WDR75: variants seen among roughly 807,000 people sequenced by gnomAD.
WDR75 encodes WD repeat-containing protein 75.
In WDR75, 52 loss-of-function variants were observed where a neutral mutation model predicts 106.1. That is an observed-to-expected ratio of 0.49 (90% CI 0.39 to 0.62). The LOEUF (loss-of-function observed/expected upper bound fraction) is 0.62, where lower values mean the gene tolerates loss of function less well. Among genes scored for constraint, WDR75 ranks in the 20% least tolerant of loss-of-function variants. The probability of loss-of-function intolerance (pLI) is 0.00; values close to 1 mark genes in which losing one functional copy is unlikely to be tolerated. For missense variants in WDR75, 905 were observed against 970.3 expected, an observed-to-expected ratio of 0.93 and a Z score of 0.89; for synonymous variants, 333 against 335.5, an observed-to-expected ratio of 0.99 and a Z score of 0.08.
At chr2:189,442,497 C>T (rs148775901) in intron 1 of WDR75, among the ~76,000 whole-genome samples, 2,719 of 125,810 alleles carry the variant, frequency 0.022, 89 homozygotes, top group African/African-American at 0.076. Context: ...GTCACCCAGG[C>T]TGGAGTGCAG....
At chr2:189,467,817 C>T (rs1211880742) in intron 14 of WDR75, among the ~76,000 whole-genome samples, 169 bp downstream of exon 14, 2 of 152,116 alleles carry the variant, frequency 1.3e-5, no homozygotes, top group Non-Finnish European at 2.9e-5. Context: ...CAAACTGTGC[C>T]AACATTTCTG....
intron 5 of WDR75, among the ~76,000 whole-genome samples, chr2:189,456,046 C>T (rs1686728945): frequency 6.6e-6 from 1 of 152,162 alleles, no homozygotes; most frequent in Non-Finnish European, 1.5e-5. Flanking sequence ...AGCCTCCGGA[C>T]ATCACTGTAG....
chr2:189,454,527 TG>T (rs199663606), intron 4 of WDR75, among the ~76,000 whole-genome samples: 9,391 of 146,030 alleles, frequency 0.064, 455 homozygotes, highest in African/African-American at 0.13. Context: ...GTATTTCTTT[TG>T]TTTTTTTTTT....
chr2:189,462,978 C>T (rs778454357), intron 9 of WDR75, among the ~76,000 whole-genome samples: 4 of 152,048 alleles, frequency 2.6e-5, no homozygotes, highest in Non-Finnish European at 4.4e-5. Context: ...ATAAACCTTC[C>T]GTTTTCAAAA....
At chr2:189,468,391 G>A (rs1687048539) in intron 14 of WDR75, 84 bp from the exon 15 acceptor site, 3 of 1,268,342 alleles carry the variant, frequency 2.4e-6, no homozygotes, top group Non-Finnish European at 3.4e-6. Context: ...GCATTACATA[G>A]AACAGCCGCT....
In WDR75 at chr2:189,465,120, G is replaced by A. The variant is rs771586686; in HGVS notation, c.1155G>A (p.Leu385=). 2.5e-6 allele frequency: 4 copies of A among 1,612,174 alleles called. No homozygotes were observed. Among genetic ancestry groups the A allele is most frequent in the Non-Finnish European group, 2.5e-6 (3 of 1,178,824 alleles). ...AAGAATATATTAATGATTATGGTCT[G>A]ATCCAAATTGAACTAACAAAGGCTG... ...IQQEYINDYG[L]IQIELTKAAF... is the part of the protein sequence containing the mutation. Residue 385 remains leucine, a synonymous_variant, in exon 12 of 21, where the codon CTG becomes CTA. Transcript: ENST00000314761.
intron 1 of WDR75, among the ~76,000 whole-genome samples, chr2:189,442,452 T>C (rs866051618): frequency 0.036 from 4,911 of 136,854 alleles, 177 homozygotes; most frequent in Admixed American, 0.05. Flanking sequence ...CTTTTTTTTT[T>C]TTTTTTTTTT....
intron 1 of WDR75, among the ~76,000 whole-genome samples, chr2:189,443,664 G>C (rs1173325472): frequency 6.6e-6 from 1 of 152,082 alleles, no homozygotes; most frequent in Non-Finnish European, 1.5e-5. Flanking sequence ...TTTACCTTCA[G>C]TAGTGGTTCT....
At position 189,467,399 on chromosome 2, in the gene WDR75, AG is replaced by A. The variant is rs1687024897; in HGVS notation, c.1448-64del. The A allele has an allele frequency of 2.0e-6, 3 of 1,463,462 alleles. No individual in the cohort carries two copies. The African/African-American group carries it at 4.3e-5, about 21-fold the overall frequency. 90.7% of individuals were successfully genotyped at this position (1,463,462 alleles called of 1,614,324 possible). Reference sequence around the variant, plus strand: ...GTGAACCCTCAGATAATGGGAAACTAGGGGGAACTACTGTAGCATTCTCTAG... The same window carrying A: ...GTGAACCCTCAGATAATGGGAAACTAGGGGAACTACTGTAGCATTCTCTAG... On this transcript the variant is annotated intron_variant, in intron 13 of 20. Transcript: ENST00000314761.
Position 189,448,702 on chromosome 2 carries a change from T to C in WDR75, c.216+194T>C. ...GTGAACCATTTGTTCCACAGAATGCTAAGAGGTATTACCTGAGAAGGATAT... is the reference window on the plus strand; with the variant it reads ...GTGAACCATTTGTTCCACAGAATGCCAAGAGGTATTACCTGAGAAGGATAT... On this transcript the variant is annotated intron_variant, in intron 2 of 20. Transcript: ENST00000314761. 6 of 720,628 alleles carry C rather than the reference T, an allele frequency of 8.3e-6. No individual in the cohort carries two copies. In the South Asian group the frequency reaches 9.1e-5, roughly 11 times the overall value. 44.6% of individuals were successfully genotyped at this position (720,628 alleles called of 1,614,324 possible). A position where few individuals can be genotyped will look rare whatever the true frequency, so the allele number is the denominator to read the frequency against.
intron 18 of WDR75, among the ~76,000 whole-genome samples, chr2:189,471,855 G>A (rs1219061571): frequency 6.6e-6 from 1 of 152,128 alleles, no homozygotes; most frequent in South Asian, 2.1e-4. Flanking sequence ...TTAAGACCTT[G>A]CATGTTTGGA....
Position 189,458,741 on chromosome 2 carries a change from T to C in WDR75, c.570-12T>C, listed in dbSNP as rs1686795656. 2 of 1,536,342 alleles carry C rather than the reference T, an allele frequency of 1.3e-6. No homozygotes were observed. Among genetic ancestry groups the C allele is most frequent in the Non-Finnish European group, 1.8e-6 (2 of 1,142,148 alleles). ...TTAATAATTAAGGGAATTTGTTTTT[T>C]TTTTCTCCTAGGTTTACTTTATCAT... On this transcript the variant is annotated splice_polypyrimidine_tract_variant and intron_variant, in intron 6 of 20. Coordinates refer to ENST00000314761, the MANE Select transcript of WDR75 (RefSeq NM_032168.3).
intron 18 of WDR75, among the ~76,000 whole-genome samples, chr2:189,471,759 C>G (rs1253791944): frequency 6.6e-6 from 1 of 152,178 alleles, no homozygotes; most frequent in Admixed American, 6.5e-5. Flanking sequence ...TGTTTGACCT[C>G]TACTCTATTA....
Position 189,469,459 on chromosome 2 carries a change from T to A in WDR75, c.1819+20T>A. 1 of 1,572,470 alleles carries A rather than the reference T, an allele frequency of 6.4e-7. No individual in the cohort carries two copies. The highest frequency in any genetic ancestry group is 8.8e-7 in the Non-Finnish European group (1 of 1,142,792). On this transcript the variant is annotated intron_variant, in intron 16 of 20. Transcript: ENST00000314761. Reference sequence around the variant, plus strand: ...CAGACTGTAAGTACAAACCACACTTTGTAGTAAGAGAACATCTATGACCTA... The same window carrying A: ...CAGACTGTAAGTACAAACCACACTTAGTAGTAAGAGAACATCTATGACCTA...
At chr2:189,450,997 A>T in intron 3 of WDR75, 29 bp downstream of exon 3, 1 of 1,578,192 alleles carries the variant, frequency 6.3e-7, no homozygotes, top group Non-Finnish European at 8.5e-7. Context: ...ACTTTTCGTT[A>T]TGTGAATAAA....
chr2:189,472,814 A>G (rs528161811), intron 18 of WDR75, among the ~76,000 whole-genome samples: 2 of 152,238 alleles, frequency 1.3e-5, no homozygotes, highest in South Asian at 2.1e-4. Context: ...ATAACTTTTG[A>G]CTTCCCAAAA....
chr2:189,446,967 C>T (rs547929559), intron 1 of WDR75, among the ~76,000 whole-genome samples: 8 of 152,226 alleles, frequency 5.3e-5, no homozygotes, highest in South Asian at 4.1e-4. Context: ...ACGTGACTAA[C>T]GGGCAGGTGT....
intron 17 of WDR75, 62 bp downstream of exon 17, chr2:189,470,307 T>TG: frequency 6.6e-7 from 1 of 1,504,450 alleles, no homozygotes; most frequent in Non-Finnish European, 9.0e-7. Flanking sequence ...TAATAGCCCA[T>TG]GACTATTGGT....
rs767182811 is a variant in WDR75 at position 189,474,332 on chromosome 2, G to A, written c.2196G>A (p.Glu732=). 6 of 1,603,076 alleles carry A rather than the reference G, an allele frequency of 3.7e-6. No individual in the cohort carries two copies. The highest frequency in any genetic ancestry group is 5.1e-6 in the Non-Finnish European group (6 of 1,176,858). Residue 732 remains glutamate, a splice_region_variant and synonymous_variant, in exon 19 of 21, where the codon GAG becomes GAA. Transcript: ENST00000314761. ...PLTENIPAIS[E]LLHTPAHVLP... ...CAGAAAACATACCCGCAATTAGTGAGGTAAGTAATTATGAAAACCATGTGA... is the reference window on the plus strand; with the variant it reads ...CAGAAAACATACCCGCAATTAGTGAAGTAAGTAATTATGAAAACCATGTGA...
Sources: gnomAD v4.1 joint callset for allele counts (sites outside exome capture counted in the v4.1 genomes callset) on GRCh38, gnomAD v4.1.1 for gene constraint, MANE v1.5 for transcripts, NCBI Gene and HGNC (gene_info 2026-07-23, HGNC 2026-07-21) for gene names.